Variants in DGKK observed in about 807,000 individuals in gnomAD.
The protein encoded by DGKK is 142 kDa diacylglycerol kinase.
In DGKK, 35 loss-of-function variants were observed where a neutral mutation model predicts 92.2. That is an observed-to-expected ratio of 0.38 (90% confidence interval 0.29 to 0.50). The LOEUF is 0.50. Among genes scored for constraint, DGKK ranks in the 20% least tolerant of loss-of-function variants. DGKK has a pLI of 0.92. For synonymous variants in DGKK, 368 were observed against 360.6 expected (o/e 1.02, Z -0.23); for missense variants, 910 against 992.2 (o/e 0.92, Z 1.11).
chrX:50,441,279 C>T (rs188579251), intron 1 of DGKK, among the ~76,000 whole-genome samples: 4 of 111,541 alleles, frequency 3.6e-5, no homozygotes, highest in South Asian at 3.8e-4. Flanking sequence ...CTCAGAGGTG[C>T]CTTGGAATCC....
intron 1 of DGKK, among the ~76,000 whole-genome samples, chrX:50,442,846 A>T (rs1327586318): frequency 8.2e-5 from 9 of 110,225 alleles, no homozygotes; most frequent in African/African-American, 3.0e-4. Context: ...AATCTCCCTT[A>T]GGTTGCTGGC....
At chrX:50,385,520 A>G (rs1447143264) in intron 15 of DGKK, among the ~76,000 whole-genome samples, 1 of 111,918 alleles carries the variant, frequency 8.9e-6, no homozygotes, top group Non-Finnish European at 1.9e-5. Context: ...CACTGCTTGG[A>G]AACTAATTAT....
At chrX:50,370,772 A>T (rs183432421) in intron 26 of DGKK, among the ~76,000 whole-genome samples, 10 of 112,024 alleles carry the variant, frequency 8.9e-5, no homozygotes, top group Admixed American at 4.7e-4. Context: ...TAGCATTAAT[A>T]AATGCTCTCA....
intron 8 of DGKK, 70 bp downstream of exon 8, chrX:50,400,967 G>C (rs1934190): frequency 0.32 from 319,488 of 991,033 alleles, 38,278 homozygotes; most frequent in Admixed American, 0.52. Context: ...TAATTGCAGT[G>C]CTTCTTCCCA....
At chrX:50,437,891 T>A (rs1257992749) in intron 1 of DGKK, among the ~76,000 whole-genome samples, 1 of 111,164 alleles carries the variant, frequency 9.0e-6, no homozygotes, top group African/African-American at 3.3e-5. Context: ...TCTGAGATTG[T>A]GCCCTAATCC....
intron 2 of DGKK, 50 bp from the exon 3 acceptor site, chrX:50,422,576 G>A: frequency 1.3e-6 from 1 of 774,942 alleles, no homozygotes; most frequent in Non-Finnish European, 1.9e-6. Flanking sequence ...GGTTAATGAT[G>A]CAAAGAGACA....
At position 50,379,968 on chromosome X, in the gene DGKK, CT is replaced by C; in HGVS notation, c.2754+12del. 1 of 1,204,799 alleles carries C rather than the reference CT, an allele frequency of 8.3e-7. No individual in the cohort carries two copies. Among genetic ancestry groups the C allele is most frequent in the African/African-American group, 1.7e-5 (1 of 57,757 alleles). ...CTCCATACCCAGGAAAGACTACCCG[CT>C]TTTCCACTAACCTCCAAATGCACTC... On this transcript the variant is annotated intron_variant, in intron 19 of 27. Coordinates refer to ENST00000611977, the MANE Select transcript of DGKK (RefSeq NM_001013742.4).
chrX:50,457,877 A>T (rs1557233005), intron 1 of DGKK, among the ~76,000 whole-genome samples: 1 of 111,936 alleles, frequency 8.9e-6, no homozygotes, highest in Non-Finnish European at 1.9e-5. Context: ...ATAAGCAAAG[A>T]CAGTGTGCAT....
intron 18 of DGKK, among the ~76,000 whole-genome samples, chrX:50,381,874 C>G (rs1569544174): frequency 9.0e-6 from 1 of 111,595 alleles, no homozygotes; most frequent in Admixed American, 9.5e-5. Flanking sequence ...TGTTTCTCAG[C>G]CCAGGCCTGC....
At position 50,387,611 on chromosome X, in the gene DGKK, T is replaced by C; in HGVS notation, c.2061A>G (p.Val687=). The C allele has an allele frequency of 1.7e-6, 2 of 1,208,660 alleles. No homozygotes were observed. Among genetic ancestry groups the C allele is most frequent in the Non-Finnish European group, 2.2e-6 (2 of 893,172 alleles). The change falls in exon 14 of 28, where the codon GTA becomes GTG. Residue 687 remains valine (V), a synonymous_variant. Transcript: ENST00000611977. ...TCTGTTTTATCTGACCCCAGGCCTT[T>C]ACAATATCAACCACAAAATCTTCCA... The part of the protein sequence containing the change: ...SAVEDFVVDI[V]KAWGQIKQNN...
At chrX:50,389,764 A>G (rs1256101743) in intron 12 of DGKK, among the ~76,000 whole-genome samples, 1 of 110,648 alleles carries the variant, frequency 9.0e-6, no homozygotes, top group Non-Finnish European at 1.9e-5. Flanking sequence ...AATGTACTTC[A>G]GTTTCGTGAA....
intron 15 of DGKK, among the ~76,000 whole-genome samples, chrX:50,385,042 G>A (rs1289142602): frequency 1.8e-5 from 2 of 112,058 alleles, no homozygotes; most frequent in Non-Finnish European, 3.8e-5. Context: ...CTTGCTTACA[G>A]TGTTGCTGTT....
In DGKK at chrX:50,384,278, A is replaced by T. The variant is rs151121850; in HGVS notation, c.2453-14T>A. ...CACGACGAGAACCTAGACACAAAAG[A>T]CATCACTTGGGTGACGGATACAAAC... On this transcript the variant is annotated splice_polypyrimidine_tract_variant and intron_variant, in intron 16 of 27. Coordinates refer to ENST00000611977, the MANE Select transcript of DGKK (RefSeq NM_001013742.4). 3 of 1,106,455 alleles carry T rather than the reference A, an allele frequency of 2.7e-6. No individual in the cohort carries two copies. Among genetic ancestry groups the T allele is most frequent in the Middle Eastern group, 2.4e-4 (1 of 4,114 alleles). 91.2% of individuals were successfully genotyped at this position (1,106,455 alleles called of 1,213,427 possible).
At chrX:50,462,068 G>A (rs1926759311) in intron 1 of DGKK, among the ~76,000 whole-genome samples, 1 of 111,644 alleles carries the variant, frequency 9.0e-6, no homozygotes, top group Non-Finnish European at 1.9e-5. Flanking sequence ...TTAATTCTCT[G>A]TAGTGTTAGA....
In DGKK at chrX:50,375,063, A is replaced by T. The variant is rs1215612255; in HGVS notation, c.3415-6T>A. 3.4e-6 allele frequency: 4 copies of T among 1,189,109 alleles called. No homozygotes were observed. The highest frequency in any genetic ancestry group is 4.6e-6 in the Non-Finnish European group (4 of 878,065). ...GCATCATTTCTGCTTAGAGTCTGAGAGGAAAAGAACGGAAAAGGAGAGAAA... is the reference window on the plus strand; with the variant it reads ...GCATCATTTCTGCTTAGAGTCTGAGTGGAAAAGAACGGAAAAGGAGAGAAA... On this transcript the variant is annotated splice_region_variant and splice_polypyrimidine_tract_variant and intron_variant, in intron 24 of 27. Coordinates refer to ENST00000611977, the MANE Select transcript of DGKK (RefSeq NM_001013742.4).
At chrX:50,429,501 C>A (rs1032626745) in intron 1 of DGKK, among the ~76,000 whole-genome samples, 83 of 111,502 alleles carry the variant, frequency 7.4e-4, no homozygotes, top group Non-Finnish European at 1.0e-3. Context: ...CTGGCTAACA[C>A]GGTGAAACCC....
intron 8 of DGKK, among the ~76,000 whole-genome samples, chrX:50,398,628 G>A (rs1028002026): frequency 9.8e-5 from 11 of 111,996 alleles, no homozygotes; most frequent in African/African-American, 6.5e-5. Context: ...GCCATTATTT[G>A]ACAAGCTATA....
intron 8 of DGKK, among the ~76,000 whole-genome samples, chrX:50,395,884 G>C (rs1387474110): frequency 1.8e-5 from 2 of 110,346 alleles, no homozygotes; most frequent in Non-Finnish European, 3.8e-5. Flanking sequence ...GACGTGCTGA[G>C]TGACACAAGC....
chrX:50,408,367 C>A (rs1462524362), intron 4 of DGKK, among the ~76,000 whole-genome samples: 2 of 112,062 alleles, frequency 1.8e-5, no homozygotes, highest in African/African-American at 6.5e-5. Flanking sequence ...CATTTTATTC[C>A]TTCCATTTTA....
Sources: allele counts gnomAD v4.1 joint callset (sites outside exome capture counted in the v4.1 genomes callset), GRCh38; gene constraint gnomAD v4.1.1; transcripts MANE v1.5; gene names NCBI Gene and HGNC (gene_info 2026-07-23, HGNC 2026-07-21).